GEMIN2: variants seen among roughly 807,000 people sequenced by gnomAD.
GEMIN2 encodes gem nuclear organelle associated protein 2.
In GEMIN2, 37 loss-of-function variants were observed where a neutral mutation model predicts 45.8. The ratio of observed to expected loss-of-function variants is 0.81; its 90% CI spans 0.62 to 1.06. The LOEUF (loss-of-function observed/expected upper bound fraction) is 1.06. Among genes scored for constraint, GEMIN2 ranks in the 50% least tolerant of loss-of-function variants. GEMIN2 has a pLI of 0.00. For missense variants in GEMIN2, 335 were observed against 321.8 expected (o/e 1.04, Z -0.31); for synonymous variants, 101 against 111.5 (o/e 0.91, Z 0.60).
At chr14:39,114,731 G>C (rs1419403666) in intron 1 of GEMIN2, 98 bp from the exon 2 acceptor site, 5 of 749,508 alleles carry the variant, frequency 6.7e-6, no homozygotes, top group Non-Finnish European at 1.1e-5. Flanking sequence ...ATTTTTTTCT[G>C]ATTTCACAAT....
Position 39,122,469 on chromosome 14 carries a change from C to T in GEMIN2, c.412C>T (p.Leu138=), listed in dbSNP as rs539543512. 4 of 1,598,532 alleles carry T rather than the reference C, an allele frequency of 2.5e-6. No individual in the cohort carries two copies. The highest frequency in any genetic ancestry group is 4.5e-5 in the East Asian group (2 of 44,436). The change falls in exon 5 of 10, where the codon CTG becomes TTG. Residue 138 remains leucine (L), a synonymous_variant. Transcript: ENST00000308317. ...EDEEGWKKFC[L]GEKLCADGAV... ...TGAAGAAGGCTGGAAGAAATTTTGTCTGGGTGAAAAGTTATGTGCTGACGG... is the reference window on the plus strand; with the variant it reads ...TGAAGAAGGCTGGAAGAAATTTTGTTTGGGTGAAAAGTTATGTGCTGACGG...
At chr14:39,116,658 A>T (rs1036171775) in intron 2 of GEMIN2, among the ~76,000 whole-genome samples, 2 of 152,046 alleles carry the variant, frequency 1.3e-5, no homozygotes, top group African/African-American at 4.8e-5. Context: ...TTTAATTCAG[A>T]CACTGTAATT....
Position 39,136,796 on chromosome 14 carries a change from G to T in GEMIN2, c.*317G>T. 4.2e-6 allele frequency: 1 copy of T among 238,914 alleles called. No individual in the cohort carries two copies. 14.8% of individuals were successfully genotyped at this position (238,914 alleles called of 1,614,324 possible). A position where few individuals can be genotyped will look rare whatever the true frequency, so the allele number is the denominator to read the frequency against. On this transcript the variant is annotated 3_prime_UTR_variant, in exon 10 of 10. Coordinates refer to ENST00000308317, the MANE Select transcript of GEMIN2 (RefSeq NM_003616.3). ...TTTTGTTCTTTTTTTGTTTTTTGTT[G>T]TTTTGTTATTTACTTATATACATAT...
chr14:39,118,681 C>G, intron 4 of GEMIN2, 82 bp downstream of exon 4: 1 of 663,056 alleles, frequency 1.5e-6, no homozygotes, highest in South Asian at 1.9e-5. Flanking sequence ...GTTAAAGATT[C>G]ACTTGCCTAG....
chr14:39,124,711 T>G (rs2139344496), intron 5 of GEMIN2, among the ~76,000 whole-genome samples: 1 of 152,210 alleles, frequency 6.6e-6, no homozygotes, highest in South Asian at 2.1e-4. Flanking sequence ...AAGCAGAGGT[T>G]GCAGTGAGCC....
intron 4 of GEMIN2, among the ~76,000 whole-genome samples, chr14:39,120,392 AT>A (rs1408819389): frequency 6.6e-6 from 1 of 152,192 alleles, no homozygotes; most frequent in African/African-American, 2.4e-5. Flanking sequence ...TATTTAAAAA[AT>A]AAAGTACACT....
intron 6 of GEMIN2, among the ~76,000 whole-genome samples, chr14:39,127,202 TGTCTC>T (rs1483902267): frequency 6.7e-6 from 1 of 150,320 alleles, no homozygotes; most frequent in African/African-American, 2.5e-5. Flanking sequence ...GCAGTTCTCC[TGTCTC>T]AGCCTCCCGA....
chr14:39,116,152 C>T (rs769883172), intron 2 of GEMIN2, among the ~76,000 whole-genome samples: 2 of 151,788 alleles, frequency 1.3e-5, no homozygotes, highest in East Asian at 3.9e-4. Context: ...TCTCTTGCCT[C>T]AGCCCCCTGA....
At chr14:39,126,019 C>CAA (rs71130818) in intron 6 of GEMIN2, among the ~76,000 whole-genome samples, 10 of 99,886 alleles carry the variant, frequency 1.0e-4, no homozygotes, top group Non-Finnish European at 1.6e-4. Flanking sequence ...GACTCTGTCT[C>CAA]AAAAAAAAAA....
chr14:39,123,193 G>A (rs1247130977), intron 5 of GEMIN2, among the ~76,000 whole-genome samples: 1 of 152,158 alleles, frequency 6.6e-6, no homozygotes, highest in Non-Finnish European at 1.5e-5. Context: ...TGAGAATCCA[G>A]TGCATGCCTC....
chr14:39,122,067 C>T, intron 4 of GEMIN2: 1 of 191,920 alleles, frequency 5.2e-6, no homozygotes, highest in Non-Finnish European at 1.1e-5. Flanking sequence ...TGCATAGGGC[C>T]ACCTTCTCCC....
At position 39,131,297 on chromosome 14, in the gene GEMIN2, C is replaced by CA. The variant is rs888744056; in HGVS notation, c.601-652dup. Among the ~76,000 whole-genome samples, 15 of 150,166 alleles carry CA rather than the reference C, an allele frequency of 1.0e-4. No individual in the cohort carries two copies. The East Asian group carries it at 1.2e-3, about 12-fold the overall frequency. On this transcript the variant is annotated intron_variant, in intron 7 of 9. Transcript: ENST00000308317. ...GGGCAACAAGAGTGAAACTCTGTCT[C>CA]AAAAAAAAAGAAAGTTGTACATACG...
chr14:39,117,680 T>C (rs2052526609), intron 2 of GEMIN2, among the ~76,000 whole-genome samples: 1 of 152,216 alleles, frequency 6.6e-6, no homozygotes, highest in Non-Finnish European at 1.5e-5. Context: ...GTTTCTGTTT[T>C]GCTATTCTAG....
chr14:39,128,933 C>T (rs959479939), intron 7 of GEMIN2, among the ~76,000 whole-genome samples: 3 of 152,122 alleles, frequency 2.0e-5, no homozygotes, highest in Admixed American at 1.3e-4. Context: ...GCCACTGAGC[C>T]CGGCTCCTTT....
intron 6 of GEMIN2, among the ~76,000 whole-genome samples, chr14:39,126,695 A>C (rs1272752963): frequency 1.3e-5 from 2 of 152,316 alleles, no homozygotes; most frequent in East Asian, 3.9e-4. Context: ...TCTCCACCTA[A>C]ATTTTTATTC....
chr14:39,117,811 T>C (rs1195386109), intron 2 of GEMIN2, among the ~76,000 whole-genome samples, 188 bp from the exon 3 acceptor site: 22 of 152,238 alleles, frequency 1.4e-4, no homozygotes, highest in Non-Finnish European at 2.9e-5. Flanking sequence ...TTCCCTAATA[T>C]TTTTAACTGA....
chr14:39,133,713 T>A lies in GEMIN2; in HGVS notation c.764T>A (p.Val255Asp). The A allele has an allele frequency of 6.6e-7, 1 of 1,509,288 alleles. No homozygotes were observed. The highest frequency in any genetic ancestry group is 9.0e-7 in the Non-Finnish European group (1 of 1,105,238). 93.5% of individuals were successfully genotyped at this position (1,509,288 alleles called of 1,614,324 possible). A position where few individuals can be genotyped will look rare whatever the true frequency, so the allele number is the denominator to read the frequency against. The change falls in exon 9 of 10, where the codon GTT becomes GAT. Residue 255 changes from valine to aspartate, a missense_variant. Physicochemically the swap from Val to Asp is radical, Grantham distance 152. Coordinates refer to ENST00000308317, the MANE Select transcript of GEMIN2 (RefSeq NM_003616.3). ...VPALNLLICL[V>D]SRYFDQRDLA... ...GCTTTGAATTTATTAATCTGCTTGG[T>A]TAGCAGGTATAGTTAATCCTTGGCT...
intron 6 of GEMIN2, 106 bp from the exon 7 acceptor site, chr14:39,128,174 A>G (rs534669988): frequency 1.5e-6 from 1 of 677,892 alleles, no homozygotes; most frequent in East Asian, 2.8e-5. Flanking sequence ...GAATGAGGCC[A>G]TTTTTAACAT....
chr14:39,114,330 T>G lies in GEMIN2; in HGVS notation c.-9T>G, dbSNP rs747041772. 3 of 1,613,936 alleles carry G rather than the reference T, an allele frequency of 1.9e-6. No individual in the cohort carries two copies. In the East Asian group the frequency reaches 6.7e-5, roughly 36 times the overall value. On this transcript the variant is annotated 5_prime_UTR_variant, in exon 1 of 10. Transcript: ENST00000308317. Reference sequence around the variant, plus strand: ...CATGCGCCGAGCGGAACTGGCTGGTTTGAAAACCATGGCGTGGGTACCAGC... The same window carrying G: ...CATGCGCCGAGCGGAACTGGCTGGTGTGAAAACCATGGCGTGGGTACCAGC...
Sources: allele counts gnomAD v4.1 joint callset (sites outside exome capture counted in the v4.1 genomes callset), GRCh38; gene constraint gnomAD v4.1.1; transcripts MANE v1.5; gene names NCBI Gene and HGNC (gene_info 2026-07-23, HGNC 2026-07-21).